FIBCD1: variants seen among roughly 807,000 people sequenced by gnomAD.
The protein encoded by FIBCD1 is fibrinogen C domain-containing protein 1.
FIBCD1 carries 47 observed loss-of-function variants against 45.1 expected under a neutral mutation model. The ratio of observed to expected loss-of-function variants is 1.04; its 90% CI spans 0.82 to 1.33. FIBCD1 has a LOEUF of 1.33. Ranked by LOEUF, FIBCD1 falls within the 40% of genes most tolerant of loss-of-function variation. The probability of loss-of-function intolerance (pLI) is 0.00; values close to 1 mark genes in which losing one functional copy is unlikely to be tolerated. For synonymous variants in FIBCD1, 313 were observed against 308.1 expected, an observed-to-expected ratio of 1.02 and a Z score of -0.17; for missense variants, 653 against 682.2, an observed-to-expected ratio of 0.96 and a Z score of 0.48.
chr9:130,908,771 G>A (rs889601859), intron 5 of FIBCD1, among the ~76,000 whole-genome samples: 5 of 152,150 alleles, frequency 3.3e-5, no homozygotes, highest in African/African-American at 7.2e-5. Context: ...AAGTCCACAC[G>A]GGGTGTGACC....
chr9:130,932,248 C>A (rs889799288), intron 1 of FIBCD1, among the ~76,000 whole-genome samples: 22 of 152,214 alleles, frequency 1.4e-4, no homozygotes, highest in African/African-American at 4.1e-4. Context: ...TCCACAAGGA[C>A]CTGCCGGATG....
At chr9:130,919,807 C>T (rs527957074) in intron 4 of FIBCD1, among the ~76,000 whole-genome samples, 32 of 152,320 alleles carry the variant, frequency 2.1e-4, no homozygotes, top group African/African-American at 7.7e-4. Flanking sequence ...GGTATGGGGT[C>T]CTATCATGGC....
chr9:130,924,824 A>G (rs1832331148), intron 2 of FIBCD1, among the ~76,000 whole-genome samples: 1 of 152,164 alleles, frequency 6.6e-6, no homozygotes, highest in South Asian at 2.1e-4. Flanking sequence ...CTAGGGGCGA[A>G]TGTCCTCACC....
rs919585735 is a variant in FIBCD1, at chr9:130,903,845, G to A, written c.*219C>T. 9.2e-6 allele frequency: 6 copies of A among 650,494 alleles called. No individual in the cohort carries two copies. Among genetic ancestry groups the A allele is most frequent in the Non-Finnish European group, 1.7e-5 (6 of 357,810 alleles). The allele number at this position is 650,494 out of a possible 1,614,324, so 40.3% of individuals were successfully genotyped here. ...TGCCAGCCCCCATCAGCAGAGGCAA[G>A]AGATCAGTGAGCTGCCAAATGGAGG... On this transcript the variant is annotated 3_prime_UTR_variant, in exon 7 of 7. Transcript: ENST00000372338.
At chr9:130,907,233 G>A (rs556829663) in intron 5 of FIBCD1, among the ~76,000 whole-genome samples, 11 of 151,954 alleles carry the variant, frequency 7.2e-5, no homozygotes, top group South Asian at 6.3e-4. Context: ...GCGGTGTCCC[G>A]GGGGCTGCTA....
At chr9:130,923,697 C>A (rs377061998) in intron 4 of FIBCD1, 47 bp downstream of exon 4, 5 of 1,599,576 alleles carry the variant, frequency 3.1e-6, no homozygotes, top group Admixed American at 3.4e-5. Flanking sequence ...CACAGCCTCA[C>A]GGTCCCCGGT....
At position 130,912,392 on chromosome 9, in the gene FIBCD1, C is replaced by CAAAA. The variant is rs61490832; in HGVS notation, c.850-508_850-505dup. 2.3e-3 allele frequency among the ~76,000 whole-genome samples: 175 copies of CAAAA among 75,702 alleles called. 1 individual carries two copies. The highest frequency in any genetic ancestry group is 8.5e-3 in the African/African-American group (146 of 17,082). The allele number at this position is 75,702 out of a possible 152,430, so 49.7% of individuals were successfully genotyped here. Reference sequence around the variant, plus strand: ...CTGTACTCCAGCCTGGGCTCTCTCTCAAAAAAAAAAAAAAAAAAAAAAAAG... The same window carrying CAAAA: ...CTGTACTCCAGCCTGGGCTCTCTCTCAAAAAAAAAAAAAAAAAAAAAAAAAAAAG... On this transcript the variant is annotated intron_variant, in intron 4 of 6. Transcript: ENST00000372338.
Position 130,930,005 on chromosome 9 carries a change from G to A in FIBCD1, c.114C>T (p.Ala38=), listed in dbSNP as rs1832420886. 6.5e-7 allele frequency: 1 copy of A among 1,536,658 alleles called. No individual in the cohort carries two copies. Among genetic ancestry groups the A allele is most frequent in the Non-Finnish European group, 8.8e-7 (1 of 1,140,838 alleles). ...CAGCTACAGCCAGCAGCACAGCCAG[G>A]GCCAGCAGCACGGTGCACAGCACGT... The part of the protein sequence containing the change: ...CGYVLCTVLL[A]LAVLLAVAVT... The change falls in exon 2 of 7, where the codon GCC becomes GCT. Residue 38 remains alanine (A), a synonymous_variant. Transcript: ENST00000372338.
intron 4 of FIBCD1, among the ~76,000 whole-genome samples, chr9:130,915,742 C>T (rs937881679): frequency 4.6e-5 from 7 of 152,166 alleles, no homozygotes; most frequent in Admixed American, 1.3e-4. Flanking sequence ...TGTCGGCCAA[C>T]GTGGGCACTT....
Position 130,903,544 on chromosome 9 carries a change from T to G in FIBCD1, c.*520A>C. 1.6e-5 allele frequency: 3 copies of G among 187,110 alleles called. No homozygotes were observed. Among genetic ancestry groups the G allele is most frequent in the Non-Finnish European group, 2.2e-5 (2 of 89,648 alleles). 11.6% of individuals were successfully genotyped at this position (187,110 alleles called of 1,614,324 possible). A position where few individuals can be genotyped will look rare whatever the true frequency, so the allele number is the denominator to read the frequency against. ...CTGAGGCCCTTGGGGGAGAGGTGGG[T>G]TCTCTGGGCACCAGGGAAACGGGGT... On this transcript the variant is annotated 3_prime_UTR_variant, in exon 7 of 7. Transcript: ENST00000372338.
chr9:130,919,934 G>A (rs772354024), intron 4 of FIBCD1, among the ~76,000 whole-genome samples: 7 of 145,564 alleles, frequency 4.8e-5, no homozygotes, highest in Non-Finnish European at 7.6e-5. Context: ...CACTGCCCCC[G>A]GCAGATTGCA....
At chr9:130,921,405 T>C (rs1445904134) in intron 4 of FIBCD1, among the ~76,000 whole-genome samples, 3 of 152,208 alleles carry the variant, frequency 2.0e-5, no homozygotes, top group Admixed American at 6.5e-5. Flanking sequence ...TGGGAAAAGA[T>C]TGCTTCTGAT....
chr9:130,926,969 G>C lies in FIBCD1; in HGVS notation c.553-2573C>G, dbSNP rs537327519. On this transcript the variant is annotated intron_variant, in intron 2 of 6. Coordinates refer to ENST00000372338, the MANE Select transcript of FIBCD1 (RefSeq NM_032843.5). This position sits in a 1 kb window ranked among gnomAD's most constrained non-coding sequence, Gnocchi z 4.1. ...CACTCCTACCAGAAAAGGGATTTTC[G>C]GCCCAACACAGTAATCTTAGCACGT... Among the ~76,000 whole-genome samples, 1 of 152,206 alleles carries C rather than the reference G, an allele frequency of 6.6e-6. No homozygotes were observed. The highest frequency in any genetic ancestry group is 1.9e-4 in the East Asian group (1 of 5,176).
chr9:130,924,868 A>G (rs1167545801), intron 2 of FIBCD1, among the ~76,000 whole-genome samples: 4 of 152,170 alleles, frequency 2.6e-5, no homozygotes, highest in East Asian at 3.9e-4. Context: ...CCAAACTGCT[A>G]TGGGGACCAG....
intron 1 of FIBCD1, among the ~76,000 whole-genome samples, chr9:130,931,984 A>G (rs963596262): frequency 6.6e-5 from 10 of 152,260 alleles, no homozygotes; most frequent in African/African-American, 2.2e-4. Flanking sequence ...CCCATGATCA[A>G]TGTGCACACA....
intron 4 of FIBCD1, among the ~76,000 whole-genome samples, 188 bp from the exon 5 acceptor site, chr9:130,912,076 C>T (rs1554774290): frequency 6.6e-6 from 1 of 151,960 alleles, no homozygotes; most frequent in Non-Finnish European, 1.5e-5. Context: ...GCAGAGGTTC[C>T]AGAGCCTCAT....
intron 4 of FIBCD1, among the ~76,000 whole-genome samples, chr9:130,916,852 C>T (rs1832169631): frequency 1.3e-5 from 2 of 152,258 alleles, no homozygotes; most frequent in African/African-American, 2.4e-5. Context: ...AATCCCAGCA[C>T]TTTGGGAGGC....
At chr9:130,932,387 C>T (rs1207367630) in intron 1 of FIBCD1, among the ~76,000 whole-genome samples, 1 of 152,084 alleles carries the variant, frequency 6.6e-6, no homozygotes, top group Non-Finnish European at 1.5e-5. Context: ...TATTGTCATG[C>T]GGCTGCCAGG....
chr9:130,930,558 T>C (rs1832434656), intron 1 of FIBCD1, among the ~76,000 whole-genome samples: 1 of 151,968 alleles, frequency 6.6e-6, no homozygotes, highest in South Asian at 2.1e-4. Flanking sequence ...AAGCCTTCCC[T>C]CTCGCTGCCC....
Sources: gnomAD v4.1 joint callset for allele counts (sites outside exome capture counted in the v4.1 genomes callset) on GRCh38, gnomAD v4.1.1 for gene constraint, Gnocchi (gnomAD v3.1) non-coding constraint, MANE v1.5 for transcripts, NCBI Gene and HGNC (gene_info 2026-07-23, HGNC 2026-07-21) for gene names.